BRAF: variants seen among roughly 807,000 people sequenced by gnomAD.
The protein encoded by BRAF is serine/threonine-protein kinase B-raf.
BRAF carries 16 observed loss-of-function variants against 104.6 expected under a neutral mutation model. That is an observed-to-expected ratio of 0.15 (90% CI 0.10 to 0.23). The LOEUF (loss-of-function observed/expected upper bound fraction) is 0.23, where lower values mean the gene tolerates loss of function less well. Ranked by LOEUF, BRAF falls within the 10% of genes least tolerant of loss-of-function variation. The probability of loss-of-function intolerance (pLI) is 1.00; values close to 1 mark genes in which losing one functional copy is unlikely to be tolerated. For missense variants in BRAF, 541 were observed against 937.3 expected (o/e 0.58, Z 5.52); for synonymous variants, 310 against 341.6 (o/e 0.91, Z 1.02).
chr7:140,865,315 A>C (rs1353350553), intron 1 of BRAF, among the ~76,000 whole-genome samples: 1 of 152,084 alleles, frequency 6.6e-6, no homozygotes, highest in East Asian at 1.9e-4. Context: ...CCTGGCCTCA[A>C]GTGATCCACC....
At chr7:140,814,752 A>G (rs969915585) in intron 3 of BRAF, among the ~76,000 whole-genome samples, 9 of 133,852 alleles carry the variant, frequency 6.7e-5, no homozygotes, top group Non-Finnish European at 1.2e-4. Flanking sequence ...TATACAATAT[A>G]TAACATATAT....
rs1046276177 is a variant in BRAF, at chr7:140,768,326, T to C, written c.1814+8586A>G. The stretch of plus-strand genomic sequence containing the variant: ...CATATTCTTACCATAATCAGACCCA[T>C]TAAAACTTTTATACATTTGCCTCCT... On this transcript the variant is annotated intron_variant, in intron 14 of 19. Transcript: ENST00000644969. Among the ~76,000 whole-genome samples, 6 of 152,324 alleles carry C rather than the reference T, an allele frequency of 3.9e-5. No individual in the cohort carries two copies. The East Asian group carries it at 1.2e-3, about 29-fold the overall frequency.
chr7:140,858,818 A>T (rs192026062), intron 1 of BRAF, among the ~76,000 whole-genome samples: 1 of 151,932 alleles, frequency 6.6e-6, no homozygotes, highest in Admixed American at 6.6e-5. Context: ...TGTTTATATA[A>T]GTGTTTATAT....
In BRAF at chr7:140,725,391, A is replaced by G. The variant is rs1403241472; in HGVS notation, c.*1103T>C. ...AAAGTTGTTTATATAACAAAAATAC[A>G]ATTTTCAGGATATATAATTCTGGTG... On this transcript the variant is annotated 3_prime_UTR_variant, in exon 20 of 20. Coordinates refer to ENST00000644969, the MANE Select transcript of BRAF (RefSeq NM_001374258.1). 7.3e-6 allele frequency: 7 copies of G among 958,034 alleles called. No homozygotes were observed. The highest frequency in any genetic ancestry group is 8.9e-6 in the Non-Finnish European group (7 of 788,870). The allele number at this position is 958,034 out of a possible 1,614,324, so 59.3% of individuals were successfully genotyped here.
intron 1 of BRAF, among the ~76,000 whole-genome samples, chr7:140,869,130 CG>C: frequency 6.6e-6 from 1 of 152,036 alleles, no homozygotes. Flanking sequence ...TAAAATATCC[CG>C]GGAGGCACAT....
intron 1 of BRAF, among the ~76,000 whole-genome samples, chr7:140,858,011 C>T (rs1028362342): frequency 6.6e-6 from 1 of 151,984 alleles, no homozygotes; most frequent in Non-Finnish European, 1.5e-5. Flanking sequence ...ATTAGTTATT[C>T]CCACTTGATA....
chr7:140,909,795 G>A (rs1209587753), intron 1 of BRAF, among the ~76,000 whole-genome samples: 3 of 150,504 alleles, frequency 2.0e-5, no homozygotes, highest in Non-Finnish European at 2.9e-5. Flanking sequence ...CAACAAGAGC[G>A]AAACTCCGTC....
At chr7:140,832,032 T>C (rs1806816194) in intron 3 of BRAF, among the ~76,000 whole-genome samples, 1 of 152,232 alleles carries the variant, frequency 6.6e-6, no homozygotes, top group Non-Finnish European at 1.5e-5. Context: ...ACGTAACCAT[T>C]CATATATTTT....
Position 140,904,187 on chromosome 7 carries a change from C to T in BRAF, c.138+20379G>A, listed in dbSNP as rs1300067290. On this transcript the variant is annotated intron_variant, in intron 1 of 19. Transcript: ENST00000644969. ...AGAGAAATCTTTTGTGAAAAGAAGT[C>T]AACTGATGTCGCAAACCTCACTGTT... Among the ~76,000 whole-genome samples, 3 of 152,164 alleles carry T rather than the reference C, an allele frequency of 2.0e-5. No homozygotes were observed. The East Asian group carries it at 5.8e-4, about 29-fold the overall frequency.
At position 140,723,872 on chromosome 7, in the gene BRAF, G is replaced by GT. The variant is rs1473306925; in HGVS notation, c.*2621dup. ...TCTTCCTCGTTTTTTTAGGAGCTCAGTAAGTCTAACTGTTGTCTAAGCATC... is the reference window on the plus strand; with the variant it reads ...TCTTCCTCGTTTTTTTAGGAGCTCAGTTAAGTCTAACTGTTGTCTAAGCATC... On this transcript the variant is annotated 3_prime_UTR_variant, in exon 20 of 20. Transcript: ENST00000644969. 11 of 1,046,482 alleles carry GT rather than the reference G, an allele frequency of 1.1e-5. No individual in the cohort carries two copies. Among genetic ancestry groups the GT allele is most frequent in the African/African-American group, 1.7e-5 (1 of 60,170 alleles). 64.8% of individuals were successfully genotyped at this position (1,046,482 alleles called of 1,614,324 possible). A position where few individuals can be genotyped will look rare whatever the true frequency, so the allele number is the denominator to read the frequency against.
chr7:140,843,428 G>A (rs148067943), intron 2 of BRAF, among the ~76,000 whole-genome samples: 265 of 151,960 alleles, frequency 1.7e-3, no homozygotes, highest in Non-Finnish European at 3.1e-3. Context: ...TTACCTCTAC[G>A]CTTCTTGCTA....
At chr7:140,810,788 T>C (rs1804178769) in intron 3 of BRAF, among the ~76,000 whole-genome samples, 1 of 152,158 alleles carries the variant, frequency 6.6e-6, no homozygotes, top group African/African-American at 2.4e-5. Context: ...CGCAGAGCAA[T>C]GAGATATTTG....
chr7:140,822,356 C>T (rs1333152506), intron 3 of BRAF: 2 of 152,030 alleles, frequency 1.3e-5, no homozygotes, highest in Non-Finnish European at 2.9e-5. Flanking sequence ...ACGTATATAC[C>T]CATGCAACCA....
At position 140,787,596 on chromosome 7, in the gene BRAF, T is replaced by A; in HGVS notation, c.1141-12A>T. On this transcript the variant is annotated splice_polypyrimidine_tract_variant and intron_variant, in intron 8 of 19. Coordinates refer to ENST00000644969, the MANE Select transcript of BRAF (RefSeq NM_001374258.1). ...TCTCTAATCAAGTCCTACAAATAAA[T>A]AGTAATGTATATTTATTCCAAGCAA... The A allele has an allele frequency of 6.2e-7, 1 of 1,605,654 alleles. No individual in the cohort carries two copies. The highest frequency in any genetic ancestry group is 8.5e-7 in the Non-Finnish European group (1 of 1,172,580).
chr7:140,795,635 G>T (rs111551447), intron 7 of BRAF, among the ~76,000 whole-genome samples: 3 of 152,126 alleles, frequency 2.0e-5, no homozygotes, highest in Non-Finnish European at 4.4e-5. Flanking sequence ...AATAAAACAT[G>T]TCAGAATCTG....
At chr7:140,832,161 TATA>T (rs1806835100) in intron 3 of BRAF, among the ~76,000 whole-genome samples, 1 of 152,244 alleles carries the variant, frequency 6.6e-6, no homozygotes, top group African/African-American at 2.4e-5. Context: ...GGAACAAAGA[TATA>T]AAGGCAAGTG....
chr7:140,776,895 T>C lies in BRAF; in HGVS notation c.1814+17A>G. On this transcript the variant is annotated intron_variant, in intron 14 of 19. Coordinates refer to ENST00000644969, the MANE Select transcript of BRAF (RefSeq NM_001374258.1). ...CTTCAAAAATAATTTACAAGACATT[T>C]AACGAATGGAACTTACTCCATGCCC... 6.2e-7 allele frequency: 1 copy of C among 1,607,844 alleles called. No homozygotes were observed. Among genetic ancestry groups the C allele is most frequent in the East Asian group, 2.2e-5 (1 of 44,846 alleles).
At chr7:140,726,932 A>G (rs1795628014) in intron 19 of BRAF, among the ~76,000 whole-genome samples, 1 of 152,242 alleles carries the variant, frequency 6.6e-6, no homozygotes, top group Admixed American at 6.5e-5. Flanking sequence ...GAGAGGCAGT[A>G]GTTATCCTCA....
chr7:140,825,938 T>C (rs1805999377), intron 3 of BRAF, among the ~76,000 whole-genome samples: 1 of 152,204 alleles, frequency 6.6e-6, no homozygotes, highest in Non-Finnish European at 1.5e-5. Flanking sequence ...ATGTCATTTG[T>C]AAATGTTAGC....
Sources: allele counts gnomAD v4.1 joint callset (sites outside exome capture counted in the v4.1 genomes callset), GRCh38; gene constraint gnomAD v4.1.1; transcripts MANE v1.5; gene names NCBI Gene and HGNC (gene_info 2026-07-23, HGNC 2026-07-21).